The following FGFR2 variants were observed in gnomAD, a reference collection of about 807,000 sequenced individuals.
FGFR2 encodes the protein fibroblast growth factor receptor 2, also known as BEK fibroblast growth factor receptor.
FGFR2 carries 19 observed loss-of-function variants against 95.9 expected under a neutral mutation model. The observed-to-expected ratio is 0.20, with a 90% CI of 0.14 to 0.29. FGFR2 has a LOEUF of 0.29. FGFR2 is among the 10% of genes least tolerant of loss of function. The pLI, the probability that FGFR2 is intolerant of heterozygous loss-of-function variation, is 1.00. For synonymous variants in FGFR2, 392 were observed against 393.3 expected (o/e 1.00, Z 0.04); for missense variants, 707 against 1,056.9 (o/e 0.67, Z 4.59).
At chr10:121,540,899 C>G (rs1374457697) in intron 5 of FGFR2, among the ~76,000 whole-genome samples, 1 of 152,124 alleles carries the variant, frequency 6.6e-6, no homozygotes, top group Admixed American at 6.5e-5. Context: ...CCAAATGGAG[C>G]TGAACCTGAA....
At chr10:121,489,324 T>A (rs1245799334) in intron 13 of FGFR2, among the ~76,000 whole-genome samples, 1 of 152,134 alleles carries the variant, frequency 6.6e-6, no homozygotes, top group Non-Finnish European at 1.5e-5. Context: ...GCCATCCGCC[T>A]CGGCCTCCCA....
rs1409308298 is a variant in FGFR2, at chr10:121,564,959, A to T, written c.377-380T>A. On this transcript the variant is annotated intron_variant, in intron 3 of 17. Transcript: ENST00000358487. ...GGGGTCTCCTTGAAGAAAGAAATTG[A>T]TCCCTAACAAAACTCAGTCCCTGTG... 2.0e-5 allele frequency among the ~76,000 whole-genome samples: 3 copies of T among 152,080 alleles called. No individual in the cohort carries two copies. In the East Asian group the frequency reaches 5.8e-4, roughly 29 times the overall value.
chr10:121,522,277 C>A (rs986172115), intron 6 of FGFR2, among the ~76,000 whole-genome samples: 1 of 152,166 alleles, frequency 6.6e-6, no homozygotes, highest in Admixed American at 6.5e-5. Context: ...GAAGACCAGG[C>A]GCAGTGGTTC....
At chr10:121,588,739 T>A (rs1462167338) in intron 2 of FGFR2, among the ~76,000 whole-genome samples, 1 of 151,986 alleles carries the variant, frequency 6.6e-6, no homozygotes, top group East Asian at 1.9e-4. Context: ...CGAAACCCCA[T>A]ATCTACGAAA....
intron 6 of FGFR2, among the ~76,000 whole-genome samples, chr10:121,520,825 T>C (rs1850434957): frequency 6.6e-6 from 1 of 152,170 alleles, no homozygotes; most frequent in Non-Finnish European, 1.5e-5. Context: ...AAATGTTTTA[T>C]AGAAAGAGGA....
At chr10:121,582,197 T>C (rs186056211) in intron 2 of FGFR2, among the ~76,000 whole-genome samples, 1 of 152,242 alleles carries the variant, frequency 6.6e-6, no homozygotes, top group East Asian at 1.9e-4. Context: ...CTCAAAGTGC[T>C]GGGATTACAG....
intron 13 of FGFR2, among the ~76,000 whole-genome samples, chr10:121,495,427 T>C (rs1049212667): frequency 2.6e-5 from 4 of 151,738 alleles, no homozygotes; most frequent in African/African-American, 7.3e-5. Context: ...ACTCAGGAGG[T>C]TGAGGTGGGA....
intron 12 of FGFR2, among the ~76,000 whole-genome samples, chr10:121,497,884 A>G (rs1169028428): frequency 6.6e-6 from 1 of 152,210 alleles, no homozygotes; most frequent in Non-Finnish European, 1.5e-5. Flanking sequence ...AAAGTTCACC[A>G]ATTACTATAT....
In FGFR2 at chr10:121,556,433, C is replaced by CTCTCTCTA. The variant is rs60584824; in HGVS notation, c.455-4975_455-4974insTAGAGAGA. On this transcript the variant is annotated intron_variant, in intron 4 of 17. Coordinates refer to ENST00000358487, the MANE Select transcript of FGFR2 (RefSeq NM_000141.5). ...TCTCTCTCTCTCTCTCTCTCTCTCT[C>CTCTCTCTA]TGGAACCAAAAAACAGAGAACACGG... Among the ~76,000 whole-genome samples, 650 of 140,696 alleles carry CTCTCTCTA rather than the reference C, an allele frequency of 4.6e-3. 22 individuals are homozygous for CTCTCTCTA. The highest frequency in any genetic ancestry group is 0.016 in the African/African-American group (587 of 37,210). 92.3% of individuals were successfully genotyped at this position (140,696 alleles called of 152,430 possible). A position where few individuals can be genotyped will look rare whatever the true frequency, so the allele number is the denominator to read the frequency against.
At chr10:121,519,920 G>A (rs756876555) in intron 7 of FGFR2, 59 bp downstream of exon 7, 16 of 1,541,984 alleles carry the variant, frequency 1.0e-5, no homozygotes, top group Non-Finnish European at 1.2e-5. Context: ...AAGAACCTGT[G>A]GCCAAACCCA....
chr10:121,538,833 TA>T (rs1853258796), intron 5 of FGFR2, 118 bp from the exon 6 acceptor site: 1 of 1,255,452 alleles, frequency 8.0e-7, no homozygotes, highest in African/African-American at 1.5e-5. Flanking sequence ...AAGAATCACC[TA>T]AATTCTAAAT....
Position 121,479,601 on chromosome 10 carries a change from C to A in FGFR2, c.*256G>T, listed in dbSNP as rs763095219. ...GAGTCCTACTGGTCCACAGCCAGTA[C>A]GCACGGCAGGTGAGAGGGGTTACAT... On this transcript the variant is annotated 3_prime_UTR_variant, in exon 18 of 18. Coordinates refer to ENST00000358487, the MANE Select transcript of FGFR2 (RefSeq NM_000141.5). The A allele has an allele frequency of 6.4e-7, 1 of 1,551,568 alleles. No individual in the cohort carries two copies. Among genetic ancestry groups the A allele is most frequent in the Admixed American group, 2.0e-5 (1 of 50,980 alleles).
intron 2 of FGFR2, among the ~76,000 whole-genome samples, chr10:121,573,322 C>A (rs141416281): frequency 6.6e-6 from 1 of 152,174 alleles, no homozygotes; most frequent in African/African-American, 2.4e-5. Context: ...TTACTTTTCA[C>A]AAATTAAGCC....
chr10:121,491,108 A>G (rs1489873559), intron 13 of FGFR2, among the ~76,000 whole-genome samples: 1 of 152,134 alleles, frequency 6.6e-6, no homozygotes, highest in Non-Finnish European at 1.5e-5. Flanking sequence ...TGTGCTTCCC[A>G]CGCACTGGGC....
At chr10:121,525,349 C>CT (rs936129199) in intron 6 of FGFR2, among the ~76,000 whole-genome samples, 3 of 152,276 alleles carry the variant, frequency 2.0e-5, no homozygotes. Flanking sequence ...GTTGGCTGCA[C>CT]TGCTGGAATG....
chr10:121,506,559 T>C (rs1486058697), intron 9 of FGFR2, among the ~76,000 whole-genome samples: 2 of 152,042 alleles, frequency 1.3e-5, no homozygotes, highest in African/African-American at 4.8e-5. Flanking sequence ...AAGCAATTGC[T>C]TGGGACCGCA....
At chr10:121,481,304 G>A (rs1211862411) in intron 17 of FGFR2, among the ~76,000 whole-genome samples, 1 of 151,932 alleles carries the variant, frequency 6.6e-6, no homozygotes, top group African/African-American at 2.4e-5. Flanking sequence ...GCTGAGAGGG[G>A]GCAAAAAGTG....
rs1446986140 is a variant in FGFR2 at position 121,517,619 on chromosome 10, G to C, written c.940-156C>G. On this transcript the variant is annotated intron_variant, in intron 7 of 17. Transcript: ENST00000358487. The surrounding 1 kb of genome is among the most constrained non-coding windows in gnomAD (Gnocchi z 4.7). ...CCATCCACAAAGCCCACAACCGAGA[G>C]ACACGGAGCAACACTGACCAGCTCA... 1 of 833,012 alleles carries C rather than the reference G, an allele frequency of 1.2e-6. No individual in the cohort carries two copies. Among genetic ancestry groups the C allele is most frequent in the African/African-American group, 1.7e-5 (1 of 59,418 alleles). The allele number at this position is 833,012 out of a possible 1,614,324, so 51.6% of individuals were successfully genotyped here.
At chr10:121,527,050 A>G in intron 6 of FGFR2, 3 of 319,410 alleles carry the variant, frequency 9.4e-6, no homozygotes, top group Middle Eastern at 1.7e-3. Context: ...GTGAAATGCT[A>G]GAAGCAAAAC....
Sources: allele counts gnomAD v4.1 joint callset (sites outside exome capture counted in the v4.1 genomes callset), GRCh38; gene constraint gnomAD v4.1.1; non-coding constraint Gnocchi (gnomAD v3.1); transcripts MANE v1.5; gene names NCBI Gene and HGNC (gene_info 2026-07-23, HGNC 2026-07-21).